CDH23: variants seen among roughly 807,000 people sequenced by gnomAD.
CDH23 encodes cadherin-23.
Under a neutral mutation model 317.1 loss-of-function variants are expected in CDH23, and 189 were observed. The ratio of observed to expected loss-of-function variants is 0.60; its 90% CI spans 0.53 to 0.67. CDH23 has a LOEUF of 0.67. Among genes scored for constraint, CDH23 ranks in the 30% least tolerant of loss-of-function variants. CDH23 has a pLI of 0.00. For missense variants in CDH23, 4,401 were observed against 4,592.4 expected (o/e 0.96, Z 1.20); for synonymous variants, 1,839 against 1,876.8 (o/e 0.98, Z 0.52).
chr10:71,761,513 G>T lies in CDH23; in HGVS notation c.4846-16167G>T, dbSNP rs1369458957. On this transcript the variant is annotated intron_variant, in intron 38 of 69. Transcript: ENST00000224721. ...TGTTACCCATGCAGCCTCACACTCT[G>T]CCCAGCACAGTGTCATGAATGGTCA... 6 of 1,421,466 alleles carry T rather than the reference G, an allele frequency of 4.2e-6. No individual in the cohort carries two copies. The African/African-American group carries it at 5.7e-5, about 14-fold the overall frequency. The allele number at this position is 1,421,466 out of a possible 1,614,324, so 88.1% of individuals were successfully genotyped here.
intron 6 of CDH23, among the ~76,000 whole-genome samples, chr10:71,514,569 G>A (rs1057013822): frequency 6.6e-6 from 1 of 152,138 alleles, no homozygotes; most frequent in Non-Finnish European, 1.5e-5. Context: ...CCTCTGCCGG[G>A]TCCAGCCCCC....
At chr10:71,761,004 C>A (rs1235936641) in intron 38 of CDH23, 1 of 1,435,340 alleles carries the variant, frequency 7.0e-7, no homozygotes, top group Non-Finnish European at 9.8e-7. Flanking sequence ...CAGTGTCCCC[C>A]TCCTGCCCCA....
chr10:71,470,017 T>A (rs1455114954), intron 3 of CDH23, among the ~76,000 whole-genome samples: 2 of 152,024 alleles, frequency 1.3e-5, no homozygotes, highest in African/African-American at 4.8e-5. Flanking sequence ...TTTTTAAAAA[T>A]AAAAAAAAAT....
intron 26 of CDH23, chr10:71,707,617 G>C (rs1865839980): frequency 1.2e-6 from 1 of 815,310 alleles, no homozygotes; most frequent in East Asian, 1.1e-4. Flanking sequence ...TGCCACAGTG[G>C]TAGGATTGGT....
At chr10:71,463,121 A>G (rs1035395595) in intron 3 of CDH23, among the ~76,000 whole-genome samples, 46 of 152,238 alleles carry the variant, frequency 3.0e-4, no homozygotes, top group African/African-American at 1.1e-3. Flanking sequence ...CAATGAGAAA[A>G]CTGGTACTGC....
At chr10:71,519,168 A>G (rs529218378) in intron 6 of CDH23, among the ~76,000 whole-genome samples, 3 of 152,096 alleles carry the variant, frequency 2.0e-5, no homozygotes, top group Admixed American at 6.5e-5. Context: ...AAGCAGGGGG[A>G]CTGTGCAGAG....
chr10:71,520,020 C>T (rs1210058029), intron 6 of CDH23, among the ~76,000 whole-genome samples: 2 of 152,360 alleles, frequency 1.3e-5, no homozygotes, highest in African/African-American at 4.8e-5. Flanking sequence ...GCTGCCCAGG[C>T]TGGCCTCAAA....
chr10:71,506,695 C>T (rs946288390), intron 3 of CDH23, among the ~76,000 whole-genome samples: 1 of 152,118 alleles, frequency 6.6e-6, no homozygotes, highest in Non-Finnish European at 1.5e-5. Flanking sequence ...TGTAGAGAGG[C>T]AGAGCAGCGC....
intron 6 of CDH23, among the ~76,000 whole-genome samples, chr10:71,533,238 A>G (rs1296245759): frequency 6.6e-6 from 1 of 151,742 alleles, no homozygotes; most frequent in Non-Finnish European, 1.5e-5. Context: ...TGTTTCTGCC[A>G]TCAGTCAGTT....
At position 71,808,004 on chromosome 10, in the gene CDH23, A is replaced by G. The variant is rs747740252; in HGVS notation, c.8719A>G (p.Met2907Val). The change falls in exon 60 of 70, where the codon ATG becomes GTG. Residue 2907 changes from methionine (M) to valine (V), a missense_variant. This residue lies in a region of CDH23 where 1,144 missense variants were observed against 1,138.2 expected (regional missense o/e 1.01). Coordinates refer to ENST00000224721, the MANE Select transcript of CDH23 (RefSeq NM_022124.6). ...DSEDVGQVFTMGSMDGILRTF... is the reference protein window; with the variant it reads ...DSEDVGQVFTVGSMDGILRTF... ...TGAAGATGTGGGCCAGGTCTTCACC[A>G]TGGGTAGGGCCTGGCAGCACATGAG... The G allele has an allele frequency of 1.3e-6, 2 of 1,583,100 alleles. No homozygotes were observed. The highest frequency in any genetic ancestry group is 1.7e-6 in the Non-Finnish European group (2 of 1,164,072).
chr10:71,617,417 A>G (rs1861249904), intron 11 of CDH23, 24 bp downstream of exon 11: 2 of 1,609,576 alleles, frequency 1.2e-6, no homozygotes, highest in African/African-American at 1.3e-5. Context: ...CACATGGCCC[A>G]TGCAGACCCA....
chr10:71,610,807 A>C (rs1457743478), intron 9 of CDH23, among the ~76,000 whole-genome samples: 4 of 151,136 alleles, frequency 2.6e-5, no homozygotes, highest in African/African-American at 9.8e-5. Flanking sequence ...CTCCTAGAGG[A>C]GGTGGCTGCC....
chr10:71,651,734 G>A (rs1490953094), intron 14 of CDH23, among the ~76,000 whole-genome samples: 1 of 152,152 alleles, frequency 6.6e-6, no homozygotes, highest in African/African-American at 2.4e-5. Flanking sequence ...TTGGGATGCT[G>A]TTCTGATAGT....
rs532423486 is a variant in CDH23 at position 71,703,149 on chromosome 10, T to C, written c.2733+455T>C. Reference sequence around the variant, plus strand: ...TCTAAAGAGACTTGCCCAAGACCCCTTGGCCAAGCACATGGTCTGATCTTG... The same window carrying C: ...TCTAAAGAGACTTGCCCAAGACCCCCTGGCCAAGCACATGGTCTGATCTTG... On this transcript the variant is annotated intron_variant, in intron 24 of 69. Coordinates refer to ENST00000224721, the MANE Select transcript of CDH23 (RefSeq NM_022124.6). Among the ~76,000 whole-genome samples, 115 of 152,330 alleles carry C rather than the reference T, an allele frequency of 7.5e-4. 1 individual carries two copies. The highest frequency in any genetic ancestry group is 3.4e-3 in the Middle Eastern group (1 of 294).
At chr10:71,771,140 G>C (rs1045488805) in intron 38 of CDH23, among the ~76,000 whole-genome samples, 2 of 152,166 alleles carry the variant, frequency 1.3e-5, no homozygotes, top group African/African-American at 4.8e-5. Flanking sequence ...TGAGGACAGG[G>C]CAAGGACAGT....
chr10:71,473,518 G>T (rs1851624856), intron 3 of CDH23, among the ~76,000 whole-genome samples: 1 of 152,190 alleles, frequency 6.6e-6, no homozygotes, highest in South Asian at 2.1e-4. Context: ...ACCAAAGTCA[G>T]GATCATGGCT....
At chr10:71,685,709 G>C (rs775458507) in intron 18 of CDH23, among the ~76,000 whole-genome samples, 1 of 152,208 alleles carries the variant, frequency 6.6e-6, no homozygotes, top group African/African-American at 2.4e-5. Flanking sequence ...GGCAGCCGGA[G>C]AGTCTGGCAA....
intron 3 of CDH23, among the ~76,000 whole-genome samples, chr10:71,465,938 G>A (rs1327659271): frequency 6.6e-6 from 1 of 152,224 alleles, no homozygotes; most frequent in African/African-American, 2.4e-5. Flanking sequence ...TCCGGAGGGT[G>A]GGAGGAATAG....
chr10:71,760,166 TAC>T lies in CDH23; in HGVS notation c.4846-17512_4846-17511del, dbSNP rs1253504393. The stretch of plus-strand genomic sequence containing the variant: ...ATATATGTGTGTATATATATGTATA[TAC>T]ATATATATGTGTGTATATATATGTA... On this transcript the variant is annotated intron_variant, in intron 38 of 69. Coordinates refer to ENST00000224721, the MANE Select transcript of CDH23 (RefSeq NM_022124.6). Among the ~76,000 whole-genome samples, 3 of 26,598 alleles carry T rather than the reference TAC, an allele frequency of 1.1e-4. 1 individual carries two copies. The highest frequency in any genetic ancestry group is 6.2e-4 in the African/African-American group (3 of 4,844). 17.4% of individuals were successfully genotyped at this position (26,598 alleles called of 152,430 possible).
Sources: allele counts gnomAD v4.1 joint callset (sites outside exome capture counted in the v4.1 genomes callset), GRCh38; gene constraint gnomAD v4.1.1; regional missense constraint gnomAD v4.1.1; transcripts MANE v1.5; gene names NCBI Gene and HGNC (gene_info 2026-07-23, HGNC 2026-07-21).